The following APOOL variants were observed in gnomAD, a reference collection of about 807,000 sequenced individuals.
APOOL encodes MICOS complex subunit MIC27.
A neutral mutation model predicts 23.1 loss-of-function variants in APOOL; 12 were observed. The ratio of observed to expected loss-of-function variants is 0.52; its 90% CI spans 0.33 to 0.84. The LOEUF is 0.84. Among genes scored for constraint, APOOL ranks in the 40% least tolerant of loss-of-function variants. APOOL has a pLI of 0.02. For synonymous variants in APOOL, 77 were observed against 69.9 expected (o/e 1.10, Z -0.51); for missense variants, 212 against 199.6 (o/e 1.06, Z -0.37).
intron 5 of APOOL, among the ~76,000 whole-genome samples, chrX:85,062,100 A>G (rs1923250081): frequency 9.0e-6 from 1 of 110,990 alleles, no homozygotes; most frequent in South Asian, 3.8e-4. Context: ...CGTTGGTTTC[A>G]AAGAACATCT....
At chrX:85,054,433 GT>G in intron 4 of APOOL, 35 bp downstream of exon 4, 1 of 1,090,404 alleles carries the variant, frequency 9.2e-7, no homozygotes, top group Non-Finnish European at 1.2e-6. Flanking sequence ...GTTTTATTGT[GT>G]TTTTAAATTG....
chrX:85,005,340 A>T (rs1370872932), intron 1 of APOOL, among the ~76,000 whole-genome samples: 1 of 83,179 alleles, frequency 1.2e-5, no homozygotes, highest in African/African-American at 4.5e-5. Context: ...TTTAGTAGAG[A>T]CGGGGTTTCA....
intron 1 of APOOL, among the ~76,000 whole-genome samples, chrX:85,024,491 A>C (rs1921773194): frequency 8.9e-6 from 1 of 112,334 alleles, no homozygotes; most frequent in African/African-American, 3.2e-5. Context: ...CCGGAGCATA[A>C]ATTGCCCTGC....
intron 5 of APOOL, among the ~76,000 whole-genome samples, chrX:85,059,167 G>A (rs929300662): frequency 6.5e-5 from 7 of 108,230 alleles, no homozygotes; most frequent in African/African-American, 2.4e-4. Context: ...TGAGAATGAC[G>A]GTTTCCAGTT....
Position 85,092,748 on chromosome X carries a change from A to G in APOOL, c.*5070A>G. The G allele has an allele frequency of 4.9e-6, 2 of 407,621 alleles. No homozygotes were observed. Among genetic ancestry groups the G allele is most frequent in the East Asian group, 7.8e-5 (2 of 25,799 alleles). 33.6% of individuals were successfully genotyped at this position (407,621 alleles called of 1,213,427 possible). A position where few individuals can be genotyped will look rare whatever the true frequency, so the allele number is the denominator to read the frequency against. ...AAAAAGTCTCACTGTTCTGAGCTTT[A>G]AAGCCCTCTTTAAAATCTCAAAACT... On this transcript the variant is annotated 3_prime_UTR_variant, in exon 9 of 9. Coordinates refer to ENST00000373173, the MANE Select transcript of APOOL (RefSeq NM_198450.6).
At chrX:85,048,199 G>A (rs1002609988) in intron 2 of APOOL, among the ~76,000 whole-genome samples, 16 of 110,875 alleles carry the variant, frequency 1.4e-4, no homozygotes, top group African/African-American at 5.2e-4. Context: ...TATTTGTGAG[G>A]CACTGTTCTA....
intron 1 of APOOL, among the ~76,000 whole-genome samples, chrX:85,020,832 C>G (rs188766432): frequency 1.8e-5 from 2 of 111,771 alleles, no homozygotes; most frequent in East Asian, 2.8e-4. Flanking sequence ...GAAAGCCCAC[C>G]CTGGTATCAG....
intron 8 of APOOL, among the ~76,000 whole-genome samples, chrX:85,083,904 C>A (rs1355209422): frequency 1.8e-5 from 2 of 111,050 alleles, no homozygotes; most frequent in Non-Finnish European, 3.8e-5. Context: ...ATAACACCAA[C>A]TTTTTGAATA....
At chrX:85,034,839 C>T (rs952078402) in intron 1 of APOOL, among the ~76,000 whole-genome samples, 1 of 111,977 alleles carries the variant, frequency 8.9e-6, no homozygotes, top group African/African-American at 3.2e-5. Context: ...ATATGTATCT[C>T]ATTTTCTATA....
chrX:85,091,634 G>A lies in APOOL; in HGVS notation c.*3956G>A, dbSNP rs1294582616. 1 of 111,712 alleles carries A rather than the reference G, an allele frequency of 9.0e-6. No individual in the cohort carries two copies. Among genetic ancestry groups the A allele is most frequent in the African/African-American group, 3.3e-5 (1 of 30,758 alleles). 9.2% of individuals were successfully genotyped at this position (111,712 alleles called of 1,213,427 possible). A position where few individuals can be genotyped will look rare whatever the true frequency, so the allele number is the denominator to read the frequency against. On this transcript the variant is annotated 3_prime_UTR_variant, in exon 9 of 9. Transcript: ENST00000373173. ...CTCTACTAGGAAAGAGAGAAACATA[G>A]AAATATAGTGTTGTATGTGGTATCT...
At position 85,067,206 on chromosome X, in the gene APOOL, A is replaced by G. The variant is rs982231032; in HGVS notation, c.474A>G (p.Val158=). The change falls in exon 6 of 9, where the codon GTA becomes GTG. Residue 158 remains valine (V), a synonymous_variant. Transcript: ENST00000373173. ...GATVCYPVQS[V]IIAKVTAKKV... is the part of the protein sequence containing the mutation. ...CTGTTTGCTACCCAGTTCAGTCCGT[A>G]ATAATTGCTAAGGTAAGTTCTTTTT... 1 of 1,136,774 alleles carries G rather than the reference A, an allele frequency of 8.8e-7. No homozygotes were observed. Among genetic ancestry groups the G allele is most frequent in the Non-Finnish European group, 1.2e-6 (1 of 849,234 alleles). 93.7% of individuals were successfully genotyped at this position (1,136,774 alleles called of 1,213,427 possible). A position where few individuals can be genotyped will look rare whatever the true frequency, so the allele number is the denominator to read the frequency against.
intron 8 of APOOL, among the ~76,000 whole-genome samples, chrX:85,077,736 C>T (rs1363696874): frequency 1.8e-5 from 2 of 111,720 alleles, no homozygotes. Context: ...AGTGTAAAAG[C>T]ATTCCTATTT....
At chrX:85,067,909 C>T (rs1224030876) in intron 6 of APOOL, among the ~76,000 whole-genome samples, 1 of 111,066 alleles carries the variant, frequency 9.0e-6, no homozygotes. Context: ...ATTTCCCCCT[C>T]ATGCTTGAAA....
intron 1 of APOOL, among the ~76,000 whole-genome samples, chrX:85,010,608 A>G (rs1303649234): frequency 9.0e-6 from 1 of 111,711 alleles, no homozygotes; most frequent in African/African-American, 3.3e-5. Context: ...GTTGGTTTTC[A>G]ATACCTGAGT....
At chrX:85,054,831 C>T (rs1922905425) in intron 4 of APOOL, among the ~76,000 whole-genome samples, 1 of 111,471 alleles carries the variant, frequency 9.0e-6, no homozygotes, top group Non-Finnish European at 1.9e-5. Context: ...AAATTAAAAA[C>T]ATGTCTCCAT....
At chrX:85,077,023 A>ATACG (rs1923867840) in intron 8 of APOOL, among the ~76,000 whole-genome samples, 3 of 98,232 alleles carry the variant, frequency 3.1e-5, no homozygotes, top group African/African-American at 1.2e-4. Context: ...ATATACGTAT[A>ATACG]TATATGTATG....
intron 1 of APOOL, among the ~76,000 whole-genome samples, chrX:85,039,356 C>T (rs770393644): frequency 9.1e-6 from 1 of 110,077 alleles, no homozygotes; most frequent in African/African-American, 3.3e-5. Context: ...GAGTATGTGC[C>T]ATGTGCAGAT....
chrX:85,063,290 G>T (rs944815825), intron 5 of APOOL, among the ~76,000 whole-genome samples: 47 of 111,173 alleles, frequency 4.2e-4, no homozygotes, highest in African/African-American at 1.3e-3. Flanking sequence ...CTAGATATAG[G>T]GATCATATCA....
chrX:85,092,358 G>A lies in APOOL; in HGVS notation c.*4680G>A. 1 of 1,144,173 alleles carries A rather than the reference G, an allele frequency of 8.7e-7. No homozygotes were observed. Among genetic ancestry groups the A allele is most frequent in the Non-Finnish European group, 1.2e-6 (1 of 861,829 alleles). The allele number at this position is 1,144,173 out of a possible 1,213,427, so 94.3% of individuals were successfully genotyped here. On this transcript the variant is annotated 3_prime_UTR_variant, in exon 9 of 9. Transcript: ENST00000373173. ...CTCAGGTGACAGTCAAATGTTGGAG[G>A]CTGTGTTGGGATGAGTTGTTACAAA...
Sources: allele counts gnomAD v4.1 joint callset (sites outside exome capture counted in the v4.1 genomes callset), GRCh38; gene constraint gnomAD v4.1.1; transcripts MANE v1.5; gene names NCBI Gene and HGNC (gene_info 2026-07-23, HGNC 2026-07-21).